The following AGMO variants were observed in gnomAD, a reference collection of about 807,000 sequenced individuals.
AGMO encodes alkylglycerol monooxygenase, also known as glyceryl-ether monooxygenase.
Under a neutral mutation model 60.2 loss-of-function variants are expected in AGMO, and 75 were observed. The observed-to-expected ratio is 1.25, with a 90% CI of 1.03 to 1.51. The LOEUF is 1.51. Ranked by LOEUF, AGMO falls within the 40% of genes most tolerant of loss-of-function variation. The pLI is 0.00. For missense variants in AGMO, 763 were observed against 525.5 expected (o/e 1.45, Z -4.42); for synonymous variants, 261 against 177.1 (o/e 1.47, Z -3.76).
At chr7:15,322,880 C>T (rs1344601780) in intron 12 of AGMO, among the ~76,000 whole-genome samples, 1 of 145,122 alleles carries the variant, frequency 6.9e-6, no homozygotes, top group East Asian at 2.0e-4. Context: ...ATTATCAAAA[C>T]TCTTTCTTGA....
intron 3 of AGMO, among the ~76,000 whole-genome samples, chr7:15,465,888 G>C (rs146590134): frequency 3.9e-5 from 6 of 151,910 alleles, no homozygotes; most frequent in Non-Finnish European, 8.8e-5. Context: ...ATGACTATAA[G>C]AATACCCTCC....
Position 15,531,000 on chromosome 7 carries a change from A to ATATGTATATTCTATATG in AGMO, c.409+13771_409+13772insCATATAGAATATACATA, listed in dbSNP as rs370782991. ...TATATGTATATTCTATATATATTCT[A>ATATGTATATTCTATATG]TATATTCTATATATATTCTATATAT... On this transcript the variant is annotated intron_variant, in intron 3 of 12. Coordinates refer to ENST00000342526, the MANE Select transcript of AGMO (RefSeq NM_001004320.2). Among the ~76,000 whole-genome samples, 3 of 39,118 alleles carry ATATGTATATTCTATATG rather than the reference A, an allele frequency of 7.7e-5. 1 individual carries two copies. Among genetic ancestry groups the ATATGTATATTCTATATG allele is most frequent in the African/African-American group, 2.9e-4 (3 of 10,422 alleles). 25.7% of individuals were successfully genotyped at this position (39,118 alleles called of 152,430 possible). A position where few individuals can be genotyped will look rare whatever the true frequency, so the allele number is the denominator to read the frequency against.
chr7:15,270,968 T>C (rs4721423), intron 12 of AGMO, among the ~76,000 whole-genome samples: 133,338 of 151,936 alleles, frequency 0.88, 58,823 homozygotes, highest in African/African-American at 0.97. Context: ...AGGTCAGTTA[T>C]GTGTAGGTAT....
At chr7:15,198,622 T>G (rs2115460721), downstream of AGMO, among the ~76,000 whole-genome samples, 1 of 152,120 alleles carries the variant, frequency 6.6e-6, no homozygotes, top group South Asian at 2.1e-4. Flanking sequence ...TCCCTGAAAA[T>G]TCGGAGACTG....
chr7:15,276,365 G>A (rs933441299), intron 12 of AGMO, among the ~76,000 whole-genome samples: 1 of 151,918 alleles, frequency 6.6e-6, no homozygotes, highest in Non-Finnish European at 1.5e-5. Flanking sequence ...AGGCTCCCAA[G>A]CTCTTCTGGC....
At chr7:15,463,585 A>T (rs1162438281) in intron 3 of AGMO, among the ~76,000 whole-genome samples, 1 of 152,180 alleles carries the variant, frequency 6.6e-6, no homozygotes, top group Non-Finnish European at 1.5e-5. Context: ...AATACACTGG[A>T]GATACAAGAA....
intron 12 of AGMO, among the ~76,000 whole-genome samples, chr7:15,295,709 T>C (rs1266818555): frequency 1.3e-5 from 2 of 152,136 alleles, no homozygotes; most frequent in African/African-American, 4.8e-5. Context: ...CAAAGTGGTA[T>C]ATTTATCAGA....
At chr7:15,120,389 G>T in the AGMO span, among the ~76,000 whole-genome samples, 1 of 152,090 alleles carries the variant, frequency 6.6e-6, no homozygotes, top group African/African-American at 2.4e-5. Flanking sequence ...AATATGTTAT[G>T]GACTAAATGT....
chr7:15,281,882 A>T (rs141204980), intron 12 of AGMO, among the ~76,000 whole-genome samples: 3 of 152,174 alleles, frequency 2.0e-5, no homozygotes, highest in Non-Finnish European at 4.4e-5. Flanking sequence ...GAGACAGTGA[A>T]TTTGCTCATA....
At chr7:15,531,042 A>ATG (rs1784309519) in intron 3 of AGMO, among the ~76,000 whole-genome samples, 1 of 60,014 alleles carries the variant, frequency 1.7e-5, no homozygotes, top group African/African-American at 7.2e-5. Context: ...TATATTCTAT[A>ATG]TATATTCTAT....
At chr7:15,161,669 TTAA>T in the AGMO span, among the ~76,000 whole-genome samples, 1 of 151,382 alleles carries the variant, frequency 6.6e-6, no homozygotes, top group Non-Finnish European at 1.5e-5. Context: ...CATATATGGA[TTAA>T]TGCTATATGT....
intron 12 of AGMO, among the ~76,000 whole-genome samples, chr7:15,345,085 C>G (rs117688392): frequency 6.6e-6 from 1 of 152,136 alleles, no homozygotes; most frequent in African/African-American, 2.4e-5. Context: ...CCTACCTCCA[C>G]CAATTTCTTC....
At chr7:15,403,063 T>C (rs1426505464) in intron 5 of AGMO, among the ~76,000 whole-genome samples, 2 of 151,980 alleles carry the variant, frequency 1.3e-5, no homozygotes, top group Non-Finnish European at 2.9e-5. Context: ...TTTGTTTTCC[T>C]TTGGGACTGA....
chr7:15,429,846 C>T (rs1206231119), intron 4 of AGMO, among the ~76,000 whole-genome samples: 1 of 152,024 alleles, frequency 6.6e-6, no homozygotes, highest in African/African-American at 2.4e-5. Context: ...CCTCACTGAT[C>T]TTCAGTTCCC....
intron 12 of AGMO, among the ~76,000 whole-genome samples, chr7:15,323,260 A>T (rs964992207): frequency 6.6e-6 from 1 of 152,144 alleles, no homozygotes; most frequent in African/African-American, 2.4e-5. Context: ...AATTTGCCCT[A>T]AGAAAACATT....
At position 15,374,664 on chromosome 7, in the gene AGMO, C is replaced by A. The variant is rs1783374088; in HGVS notation, c.1075-8442G>T. Among the ~76,000 whole-genome samples the A allele has an allele frequency of 3.3e-5, 5 of 152,010 alleles. No homozygotes were observed. In the South Asian group the frequency reaches 1.0e-3, roughly 31 times the overall value. ...GCACAAGGCAAAAAAGAACAGCGATCTCAGGGAAATAGGATACAAATGACA... is the reference window on the plus strand; with the variant it reads ...GCACAAGGCAAAAAAGAACAGCGATATCAGGGAAATAGGATACAAATGACA... On this transcript the variant is annotated intron_variant, in intron 10 of 12. Transcript: ENST00000342526.
At chr7:15,403,118 G>A (rs962115774) in intron 5 of AGMO, among the ~76,000 whole-genome samples, 6 of 151,538 alleles carry the variant, frequency 4.0e-5, no homozygotes, top group East Asian at 1.9e-4. Context: ...TTACTATTTC[G>A]CAGTAGAGAT....
intron 3 of AGMO, among the ~76,000 whole-genome samples, chr7:15,434,479 A>T (rs1196312942): frequency 6.6e-6 from 1 of 151,956 alleles, no homozygotes; most frequent in Non-Finnish European, 1.5e-5. Context: ...ATACTCAAAC[A>T]CTCTCTAAGA....
chr7:15,182,944 C>G, the AGMO span, among the ~76,000 whole-genome samples: 1 of 151,798 alleles, frequency 6.6e-6, no homozygotes, highest in Non-Finnish European at 1.5e-5. Context: ...GGAGGTGCTA[C>G]ATATTTTTAA....
Sources: gnomAD v4.1 joint callset for allele counts (sites outside exome capture counted in the v4.1 genomes callset) on GRCh38, gnomAD v4.1.1 for gene constraint, MANE v1.5 for transcripts, NCBI Gene and HGNC (gene_info 2026-07-23, HGNC 2026-07-21) for gene names.